The following USP32 variants were observed in gnomAD, a reference collection of about 807,000 sequenced individuals.
USP32 encodes the protein ubiquitin specific peptidase 32, also known as ubiquitin carboxyl-terminal hydrolase 32.
Under a neutral mutation model 204.8 loss-of-function variants are expected in USP32, and 59 were observed. The ratio of observed to expected loss-of-function variants is 0.29; its 90% CI spans 0.23 to 0.36. The LOEUF is 0.36. Among genes scored for constraint, USP32 ranks in the 10% least tolerant of loss-of-function variants. USP32 has a pLI of 1.00. For missense variants in USP32, 1,160 were observed against 1,946.4 expected (o/e 0.60, Z 7.60); for synonymous variants, 517 against 678.4 (o/e 0.76, Z 3.70).
chr17:60,355,887 TAAAAAAAAAAAAAA>T (rs58715953), intron 1 of USP32, among the ~76,000 whole-genome samples: 2 of 51,506 alleles, frequency 3.9e-5, no homozygotes, highest in Non-Finnish European at 7.8e-5. Flanking sequence ...TGAACCTCTG[TAAAAAAAAAAAAAA>T]AAAAAAAAAA....
chr17:60,391,478 G>A (rs2089832172), intron 1 of USP32, among the ~76,000 whole-genome samples: 1 of 152,130 alleles, frequency 6.6e-6, no homozygotes, highest in South Asian at 2.1e-4. Flanking sequence ...AAGGCTGTTA[G>A]GAACGAGGTT....
rs4968344 is a variant in USP32, at chr17:60,378,706, T to C, written c.58+13176A>G. ...AAAGGTCAAATATTGTACGATTCTA[T>C]TTACATGAAGTATCTAGAATAGGCA... On this transcript the variant is annotated intron_variant, in intron 1 of 33. Coordinates refer to ENST00000300896, the MANE Select transcript of USP32 (RefSeq NM_032582.4). Among the ~76,000 whole-genome samples, 118 of 152,224 alleles carry C rather than the reference T, an allele frequency of 7.8e-4. 2 individuals are homozygous for C. The highest frequency in any genetic ancestry group is 5.6e-3 in the Admixed American group (86 of 15,286).
At chr17:60,190,014 A>G (rs2084338075) in intron 29 of USP32, among the ~76,000 whole-genome samples, 1 of 152,172 alleles carries the variant, frequency 6.6e-6, no homozygotes, top group Non-Finnish European at 1.5e-5. Flanking sequence ...CGTTGTTAGG[A>G]GGTGGGGCCT....
At chr17:60,200,170 G>T (rs1310229743) in intron 26 of USP32, among the ~76,000 whole-genome samples, 1 of 151,876 alleles carries the variant, frequency 6.6e-6, no homozygotes, top group East Asian at 1.9e-4. Context: ...CTCCAGCCTG[G>T]CCGACAACAG....
At chr17:60,416,573 G>T (rs1261244928) in intron 1 of USP32, among the ~76,000 whole-genome samples, 2 of 152,096 alleles carry the variant, frequency 1.3e-5, no homozygotes, top group East Asian at 3.8e-4. Flanking sequence ...GCCGACCAAT[G>T]GAATTTTGAA....
chr17:60,338,353 A>T (rs1167523755), intron 2 of USP32, among the ~76,000 whole-genome samples: 1 of 152,058 alleles, frequency 6.6e-6, no homozygotes, highest in Non-Finnish European at 1.5e-5. Flanking sequence ...ACTACATAGA[A>T]ATGTTTTGTT....
chr17:60,194,035 TG>T (rs1567755717), intron 27 of USP32, among the ~76,000 whole-genome samples: 1 of 151,988 alleles, frequency 6.6e-6, no homozygotes, highest in Admixed American at 6.6e-5. Context: ...CTGCTCCCCC[TG>T]CAGACTTTTT....
chr17:60,414,692 G>A (rs1299381500), intron 1 of USP32, among the ~76,000 whole-genome samples: 2 of 152,094 alleles, frequency 1.3e-5, no homozygotes, highest in Non-Finnish European at 2.9e-5. Flanking sequence ...GCCTCCAGAA[G>A]AGCTGGGATT....
intron 5 of USP32, among the ~76,000 whole-genome samples, chr17:60,281,827 G>A (rs548573122): frequency 5.9e-5 from 9 of 152,236 alleles, no homozygotes; most frequent in African/African-American, 2.2e-4. Flanking sequence ...TCACCCTGGA[G>A]GTCTGTAAAG....
At chr17:60,418,405 T>G (rs1219326973) in intron 1 of USP32, among the ~76,000 whole-genome samples, 22 of 150,288 alleles carry the variant, frequency 1.5e-4, no homozygotes, top group African/African-American at 5.0e-4. Context: ...TGTTTTTTTT[T>G]TTTTTTTTTT....
At chr17:60,356,722 C>T (rs1387016528) in intron 1 of USP32, among the ~76,000 whole-genome samples, 4 of 152,140 alleles carry the variant, frequency 2.6e-5, no homozygotes. Flanking sequence ...TGCCACACTA[C>T]AGTACTTAAA....
At chr17:60,198,473 T>C in intron 26 of USP32, 29 bp from the exon 27 acceptor site, 1 of 1,607,458 alleles carries the variant, frequency 6.2e-7, no homozygotes, top group Non-Finnish European at 8.5e-7. Flanking sequence ...GAATAGAGAG[T>C]TCAGAAGACA....
chr17:60,325,903 T>C (rs2088222218), intron 2 of USP32, among the ~76,000 whole-genome samples: 1 of 147,534 alleles, frequency 6.8e-6, no homozygotes, highest in Non-Finnish European at 1.5e-5. Flanking sequence ...CACTCCAGCC[T>C]AGGTGATTGC....
chr17:60,187,699 TA>T (rs372399235), intron 29 of USP32, among the ~76,000 whole-genome samples: 29 of 152,380 alleles, frequency 1.9e-4, no homozygotes, highest in African/African-American at 6.7e-4. Flanking sequence ...AGAAGGCTGA[TA>T]AAAAACATAT....
At chr17:60,335,298 C>A (rs765853702) in intron 2 of USP32, among the ~76,000 whole-genome samples, 1 of 142,368 alleles carries the variant, frequency 7.0e-6, no homozygotes, top group African/African-American at 3.0e-5. Context: ...TGAGTCCCTG[C>A]AAATATTAAG....
intron 3 of USP32, among the ~76,000 whole-genome samples, chr17:60,298,092 A>C (rs2145880340): frequency 6.7e-6 from 1 of 148,650 alleles, no homozygotes; most frequent in South Asian, 2.1e-4. Flanking sequence ...TTAAGTCTCC[A>C]CCCCAAAGTA....
At chr17:60,367,774 C>T (rs1011356820) in intron 1 of USP32, among the ~76,000 whole-genome samples, 12 of 152,172 alleles carry the variant, frequency 7.9e-5, no homozygotes, top group African/African-American at 2.9e-4. Flanking sequence ...CCCCACTGTA[C>T]TCCAGCCTGG....
intron 1 of USP32, among the ~76,000 whole-genome samples, chr17:60,382,975 C>T (rs1047084567): frequency 2.0e-5 from 3 of 152,114 alleles, no homozygotes; most frequent in East Asian, 3.9e-4. Flanking sequence ...AGGCCGGGCG[C>T]GGTGGTTCAC....
intron 1 of USP32, among the ~76,000 whole-genome samples, chr17:60,389,783 G>C (rs904318719): frequency 1.3e-5 from 2 of 151,868 alleles, no homozygotes; most frequent in Non-Finnish European, 2.9e-5. Context: ...TTGGGAGGCC[G>C]AGGCGGGCAG....
Sources: gnomAD v4.1 joint callset for allele counts (sites outside exome capture counted in the v4.1 genomes callset) on GRCh38, gnomAD v4.1.1 for gene constraint, MANE v1.5 for transcripts, NCBI Gene and HGNC (gene_info 2026-07-23, HGNC 2026-07-21) for gene names.